Variants in NEIL2 observed in about 807,000 individuals in gnomAD.
The protein encoded by NEIL2 is nei like DNA glycosylase 2.
In NEIL2, 23 loss-of-function variants were observed where a neutral mutation model predicts 22.2. That is an observed-to-expected ratio of 1.04 (90% confidence interval 0.75 to 1.47). NEIL2 has a LOEUF of 1.47. NEIL2 is among the 40% of genes most tolerant of loss of function. NEIL2 has a pLI of 0.00. For missense variants in NEIL2, 583 were observed against 404.7 expected, an observed-to-expected ratio of 1.44 and a Z score of -3.78; for synonymous variants, 229 against 164.8, an observed-to-expected ratio of 1.39 and a Z score of -2.99.
At chr8:11,780,064 G>A (rs1804279112) in intron 3 of NEIL2, 114 bp downstream of exon 3, 2 of 863,146 alleles carry the variant, frequency 2.3e-6, no homozygotes, top group African/African-American at 3.3e-5. Flanking sequence ...CTGCCCCCCA[G>A]GGCCCTGCTG....
chr8:11,769,776 C>A lies in NEIL2; in HGVS notation c.-562C>A, dbSNP rs1010031768. 4.6e-5 allele frequency: 7 copies of A among 152,312 alleles called. No individual in the cohort carries two copies. Among genetic ancestry groups the A allele is most frequent in the African/African-American group, 1.7e-4 (7 of 41,466 alleles). The allele number at this position is 152,312 out of a possible 1,614,324, so 9.4% of individuals were successfully genotyped here. On this transcript the variant is annotated 5_prime_UTR_variant, in exon 1 of 5. Transcript: ENST00000284503. ...GCGGTGCTGGGTCGGGCCGACGTGC[C>A]ACCCACCCGGAGCCGGTGAGTGCAG...
intron 2 of NEIL2, among the ~76,000 whole-genome samples, chr8:11,775,612 T>C (rs1166369226): frequency 1.3e-5 from 2 of 152,248 alleles, no homozygotes; most frequent in African/African-American, 4.8e-5. Flanking sequence ...GTTTTTCTTT[T>C]CTACTGCATC....
At chr8:11,777,439 A>C (rs957882972) in intron 2 of NEIL2, among the ~76,000 whole-genome samples, 2 of 151,998 alleles carry the variant, frequency 1.3e-5, no homozygotes, top group Non-Finnish European at 2.9e-5. Flanking sequence ...TATATAGTTC[A>C]GTCATGTTAA....
intron 1 of NEIL2, 75 bp from the exon 2 acceptor site, chr8:11,771,371 T>A (rs908787849): frequency 1.3e-6 from 2 of 1,588,958 alleles, no homozygotes; most frequent in Non-Finnish European, 1.7e-6. Context: ...GCATGGAGGA[T>A]GCTTGGCACC....
In NEIL2 at chr8:11,770,623, A is replaced by C. The variant is rs530392484; in HGVS notation, c.-3+288A>C. Among the ~76,000 whole-genome samples the C allele has an allele frequency of 2.0e-5, 3 of 152,340 alleles. No homozygotes were observed. The South Asian group carries it at 6.2e-4, about 32-fold the overall frequency. ...TACTTAGTTCTTTTCGATTTTCATC[A>C]TAACTTATAGAGAGGCTGGTGCAGG... On this transcript the variant is annotated intron_variant, in intron 1 of 4. Transcript: ENST00000284503.
chr8:11,773,783 A>G (rs1016544279), intron 2 of NEIL2, among the ~76,000 whole-genome samples: 3 of 152,144 alleles, frequency 2.0e-5, no homozygotes, highest in East Asian at 1.9e-4. Flanking sequence ...TCCATTTTCT[A>G]TATAGGAGTT....
intron 2 of NEIL2, among the ~76,000 whole-genome samples, chr8:11,778,448 T>G (rs963672321): frequency 1.3e-5 from 2 of 152,156 alleles, no homozygotes; most frequent in Non-Finnish European, 2.9e-5. Context: ...TGTGTACTAA[T>G]TAACAAGTTA....
rs368781768 is a variant in NEIL2 at position 11,771,521 on chromosome 8, C to T, written c.74C>T (p.Thr25Ile). 22 of 1,613,992 alleles carry T rather than the reference C, an allele frequency of 1.4e-5. No individual in the cohort carries two copies. The African/African-American group carries it at 2.9e-4, about 22-fold the overall frequency. The change falls in exon 2 of 5, where the codon ACA (threonine) becomes ATA (isoleucine). Residue 25 changes from threonine to isoleucine, a missense_variant. Physicochemically the swap from Thr to Ile is moderately conservative, Grantham distance 89 (BLOSUM62 -1). Transcript: ENST00000284503. The part of the protein sequence containing the change: ...SPFVGQQVVK[T>I]GGSSKKLQPA... ...TTTGTGGGTCAGCAGGTGGTCAAGA[C>T]AGGGGGCAGCAGTAAGAAGCTACAG... is the stretch of plus-strand genomic sequence containing the variant.
At chr8:11,782,991 T>A in intron 3 of NEIL2, 1 of 636,454 alleles carries the variant, frequency 1.6e-6, no homozygotes, top group East Asian at 2.8e-5. Context: ...GATGTGTGTA[T>A]GTGTGCATGA....
At chr8:11,771,690 C>A in intron 2 of NEIL2, 105 bp downstream of exon 2, 1 of 1,264,626 alleles carries the variant, frequency 7.9e-7, no homozygotes, top group Non-Finnish European at 1.1e-6. Flanking sequence ...AGTCCGGAAC[C>A]ACCAAGCTCG....
intron 4 of NEIL2, among the ~76,000 whole-genome samples, chr8:11,784,871 A>C (rs951892144): frequency 5.9e-5 from 9 of 152,138 alleles, no homozygotes; most frequent in Non-Finnish European, 1.2e-4. Context: ...TTGGTATTTC[A>C]TTTATTTTAT....
chr8:11,772,419 C>A (rs1418722578), intron 2 of NEIL2, among the ~76,000 whole-genome samples: 1 of 152,198 alleles, frequency 6.6e-6, no homozygotes, highest in Non-Finnish European at 1.5e-5. Flanking sequence ...TCAAGCACTT[C>A]TTCCTTTTTC....
At position 11,769,768 on chromosome 8, in the gene NEIL2, C is replaced by A. The variant is rs566630797; in HGVS notation, c.-570C>A. On this transcript the variant is annotated 5_prime_UTR_variant, in exon 1 of 5. Transcript: ENST00000284503. ...GCTGCGTAGCGGTGCTGGGTCGGGCCGACGTGCCACCCACCCGGAGCCGGT... is the reference window on the plus strand; with the variant it reads ...GCTGCGTAGCGGTGCTGGGTCGGGCAGACGTGCCACCCACCCGGAGCCGGT... 6.6e-6 allele frequency: 1 copy of A among 152,326 alleles called. No individual in the cohort carries two copies. The highest frequency in any genetic ancestry group is 1.5e-5 in the Non-Finnish European group (1 of 68,138). 9.4% of individuals were successfully genotyped at this position (152,326 alleles called of 1,614,324 possible).
intron 2 of NEIL2, among the ~76,000 whole-genome samples, chr8:11,772,308 C>CTAG (rs928772287): frequency 2.6e-5 from 4 of 152,240 alleles, no homozygotes; most frequent in African/African-American, 7.2e-5. Flanking sequence ...GCCTCCCTCT[C>CTAG]TAGCCTTCTT....
intron 3 of NEIL2, 82 bp from the exon 4 acceptor site, chr8:11,783,121 T>C (rs1804583352): frequency 2.6e-6 from 3 of 1,151,184 alleles, no homozygotes; most frequent in African/African-American, 3.0e-5. Flanking sequence ...GATGTGTGTA[T>C]GTGTGTATGA....
At chr8:11,773,350 C>T (rs8191551) in intron 2 of NEIL2, among the ~76,000 whole-genome samples, 3,906 of 152,188 alleles carry the variant, frequency 0.026, 152 homozygotes, top group African/African-American at 0.089. Flanking sequence ...AGGGAACCTT[C>T]GGGGCTGCCT....
At chr8:11,784,008 C>A (rs925566049) in intron 4 of NEIL2, among the ~76,000 whole-genome samples, 1 of 152,132 alleles carries the variant, frequency 6.6e-6, no homozygotes, top group Admixed American at 6.5e-5. Flanking sequence ...CATATAACAG[C>A]TAATTAGCGG....
At chr8:11,771,316 T>C in intron 1 of NEIL2, 130 bp from the exon 2 acceptor site, 1 of 1,135,418 alleles carries the variant, frequency 8.8e-7, no homozygotes, top group Non-Finnish European at 1.3e-6. Flanking sequence ...ACACTCCCTT[T>C]TTGGCCATGC....
chr8:11,776,333 T>TA (rs1554504423), intron 2 of NEIL2, among the ~76,000 whole-genome samples: 1 of 151,988 alleles, frequency 6.6e-6, no homozygotes, highest in Non-Finnish European at 1.5e-5. Context: ...TCCCACCGGG[T>TA]CCCCCCCACA....
Sources: allele counts gnomAD v4.1 joint callset (sites outside exome capture counted in the v4.1 genomes callset), GRCh38; gene constraint gnomAD v4.1.1; transcripts MANE v1.5; gene names NCBI Gene and HGNC (gene_info 2026-07-23, HGNC 2026-07-21).